ZFP2: variants seen among roughly 807,000 people sequenced by gnomAD.
ZFP2 encodes the protein ZFP2 zinc finger protein, also known as zinc finger protein ZFP2.
Under a neutral mutation model 36.1 loss-of-function variants are expected in ZFP2, and 33 were observed. The ratio of observed to expected loss-of-function variants is 0.92; its 90% CI spans 0.69 to 1.22. The LOEUF is 1.22. ZFP2 is among the 50% of genes most tolerant of loss of function. The pLI is 0.00. For missense variants in ZFP2, 522 were observed against 551.4 expected, an observed-to-expected ratio of 0.95 and a Z score of 0.53; for synonymous variants, 170 against 178.0, an observed-to-expected ratio of 0.96 and a Z score of 0.36.
chr5:178,904,267 C>T (rs1758121159), intron 1 of ZFP2, among the ~76,000 whole-genome samples: 1 of 152,106 alleles, frequency 6.6e-6, no homozygotes, highest in South Asian at 2.1e-4. Context: ...GTAAGAGAGG[C>T]AAGATCTCCT....
intron 1 of ZFP2, chr5:178,909,900 T>A: frequency 1.3e-6 from 2 of 1,531,064 alleles, no homozygotes; most frequent in African/African-American, 1.4e-5. Context: ...GTTCCAAGAG[T>A]CCCGGGAGAT....
At chr5:178,924,132 T>C (rs1364109831) in intron 4 of ZFP2, among the ~76,000 whole-genome samples, 2 of 148,422 alleles carry the variant, frequency 1.3e-5, no homozygotes, top group Non-Finnish European at 3.0e-5. Context: ...CCAGCACTTT[T>C]TGAGGCCGAG....
chr5:178,922,282 A>G, intron 4 of ZFP2: 2 of 973,238 alleles, frequency 2.1e-6, no homozygotes, highest in Admixed American at 1.7e-5. Flanking sequence ...TAAGTTCATT[A>G]TCATACAAGG....
At chr5:178,907,164 T>C (rs1260795236) in intron 1 of ZFP2, among the ~76,000 whole-genome samples, 2 of 152,116 alleles carry the variant, frequency 1.3e-5, no homozygotes, top group African/African-American at 4.8e-5. Context: ...CAAGCTCATG[T>C]TCTCTTTAGT....
intron 4 of ZFP2, among the ~76,000 whole-genome samples, chr5:178,925,148 CACATATATAT>C: frequency 8.0e-6 from 1 of 125,476 alleles, no homozygotes; most frequent in African/African-American, 2.6e-5. Flanking sequence ...CACACACACA[CACATATATAT>C]ACACATATAT....
chr5:178,915,145 T>G (rs1474455520), intron 3 of ZFP2, among the ~76,000 whole-genome samples: 1 of 152,112 alleles, frequency 6.6e-6, no homozygotes, highest in Non-Finnish European at 1.5e-5. Context: ...TGCAGCAGTT[T>G]TTTCCTTGCT....
chr5:178,903,783 T>C, intron 1 of ZFP2, among the ~76,000 whole-genome samples: 1 of 152,098 alleles, frequency 6.6e-6, no homozygotes, highest in Non-Finnish European at 1.5e-5. Flanking sequence ...TCCTGGCCAA[T>C]ACGGTGAAAC....
chr5:178,904,638 T>C (rs2113059101), intron 1 of ZFP2, among the ~76,000 whole-genome samples: 1 of 150,866 alleles, frequency 6.6e-6, no homozygotes, highest in South Asian at 2.1e-4. Context: ...TCTATTCCAT[T>C]GTTCTATTTC....
At chr5:178,916,002 A>T (rs1324667829) in intron 3 of ZFP2, among the ~76,000 whole-genome samples, 2 of 152,212 alleles carry the variant, frequency 1.3e-5, no homozygotes, top group Non-Finnish European at 2.9e-5. Flanking sequence ...ATTCATATCA[A>T]TACAGATTGG....
intron 4 of ZFP2, among the ~76,000 whole-genome samples, chr5:178,929,940 GGT>G (rs1491193119): frequency 1.2e-3 from 169 of 139,756 alleles, no homozygotes; most frequent in African/African-American, 4.0e-3. Context: ...TCTGCTTGAC[GGT>G]GGGGGGGGGG....
intron 1 of ZFP2, among the ~76,000 whole-genome samples, chr5:178,901,999 G>A (rs1222394295): frequency 6.6e-6 from 1 of 152,094 alleles, no homozygotes; most frequent in Non-Finnish European, 1.5e-5. Flanking sequence ...ACCGGGCGTG[G>A]TGGCACACAC....
intron 4 of ZFP2, among the ~76,000 whole-genome samples, chr5:178,920,493 C>A: frequency 6.6e-6 from 1 of 152,078 alleles, no homozygotes; most frequent in Non-Finnish European, 1.5e-5. Context: ...AAAAATTAGC[C>A]GGGCATGGTG....
intron 4 of ZFP2, chr5:178,922,379 A>G (rs557144488): frequency 6.1e-6 from 7 of 1,151,778 alleles, no homozygotes; most frequent in Non-Finnish European, 9.2e-6. Context: ...AGCACCACTA[A>G]TAGAGTTGGC....
chr5:178,924,495 T>A (rs1208413305), intron 4 of ZFP2, among the ~76,000 whole-genome samples: 1 of 149,028 alleles, frequency 6.7e-6, no homozygotes, highest in Admixed American at 6.7e-5. Context: ...TCGTAACCAC[T>A]GTGCCCTTCT....
At chr5:178,920,312 T>C (rs1034569799) in intron 4 of ZFP2, among the ~76,000 whole-genome samples, 3 of 152,184 alleles carry the variant, frequency 2.0e-5, no homozygotes, top group African/African-American at 7.2e-5. Flanking sequence ...AGATTTCTAT[T>C]TTCTATATCA....
chr5:178,922,596 A>G, intron 4 of ZFP2: 1 of 1,565,468 alleles, frequency 6.4e-7, no homozygotes, highest in Non-Finnish European at 8.8e-7. Flanking sequence ...TGACAGGGCA[A>G]GAGCATGGCA....
chr5:178,920,058 A>C (rs1191820177), intron 4 of ZFP2, among the ~76,000 whole-genome samples: 1 of 152,162 alleles, frequency 6.6e-6, no homozygotes, highest in Non-Finnish European at 1.5e-5. Context: ...TGTCAAATAT[A>C]AGCTTTTAAC....
At chr5:178,914,170 G>A (rs1758369407) in intron 3 of ZFP2, among the ~76,000 whole-genome samples, 1 of 151,852 alleles carries the variant, frequency 6.6e-6, no homozygotes, top group African/African-American at 2.4e-5. Flanking sequence ...TCATTTCTTT[G>A]TATATTTTTT....
intron 1 of ZFP2, among the ~76,000 whole-genome samples, 179 bp downstream of exon 1, chr5:178,896,153 C>T (rs903420159): frequency 3.3e-5 from 5 of 152,200 alleles, no homozygotes; most frequent in African/African-American, 1.2e-4. Context: ...CCTCCGGCTC[C>T]AGGTGCGCTC....
Sources: gnomAD v4.1 joint callset for allele counts (sites outside exome capture counted in the v4.1 genomes callset) on GRCh38, gnomAD v4.1.1 for gene constraint, MANE v1.5 for transcripts, NCBI Gene and HGNC (gene_info 2026-07-23, HGNC 2026-07-21) for gene names.